Variants in CPAMD8 observed in about 807,000 individuals in gnomAD.
CPAMD8 encodes the protein C3 and PZP like alpha-2-macroglobulin domain containing 8.
Under a neutral mutation model 224.7 loss-of-function variants are expected in CPAMD8, and 146 were observed. The ratio of observed to expected loss-of-function variants is 0.65; its 90% CI spans 0.57 to 0.75. CPAMD8 has a LOEUF of 0.75. Among genes scored for constraint, CPAMD8 ranks in the 30% least tolerant of loss-of-function variants. The pLI, the probability that CPAMD8 is intolerant of heterozygous loss-of-function variation, is 0.00. For synonymous variants in CPAMD8, 966 were observed against 1,044.6 expected (o/e 0.92, Z 1.45); for missense variants, 2,301 against 2,537.5 (o/e 0.91, Z 2.00).
intron 1 of CPAMD8, 114 bp downstream of exon 1, chr19:17,026,437 G>C (rs2057083313): frequency 8.5e-7 from 1 of 1,175,492 alleles, no homozygotes; most frequent in Non-Finnish European, 1.1e-6. Flanking sequence ...GCCAGGTCCA[G>C]CCCAGCGCGG....
At chr19:16,925,870 C>T (rs892144566) in intron 25 of CPAMD8, among the ~76,000 whole-genome samples, 2 of 152,128 alleles carry the variant, frequency 1.3e-5, no homozygotes, top group African/African-American at 4.8e-5. Context: ...TCTCCTGCCT[C>T]AGCCTCCTGA....
intron 27 of CPAMD8, among the ~76,000 whole-genome samples, chr19:16,919,560 G>A (rs2053090033): frequency 6.6e-6 from 1 of 152,200 alleles, no homozygotes; most frequent in Non-Finnish European, 1.5e-5. Flanking sequence ...CTGAATTCCT[G>A]ATCCATAAGA....
chr19:16,946,935 A>T, intron 21 of CPAMD8, 139 bp downstream of exon 21: 1 of 813,756 alleles, frequency 1.2e-6, no homozygotes, highest in Non-Finnish European at 1.8e-6. Flanking sequence ...TGCTTGCCCC[A>T]GTTGCTGTCC....
At chr19:16,902,495 C>A (rs992097234) in intron 35 of CPAMD8, among the ~76,000 whole-genome samples, 154 bp downstream of exon 35, 16 of 152,058 alleles carry the variant, frequency 1.1e-4, no homozygotes, top group African/African-American at 3.6e-4. Context: ...CCAGCCTGGG[C>A]GACAGGGTGA....
chr19:16,992,090 C>A (rs995942300), intron 12 of CPAMD8, among the ~76,000 whole-genome samples: 13 of 152,202 alleles, frequency 8.5e-5, no homozygotes, highest in Non-Finnish European at 1.3e-4. Flanking sequence ...AGGTCCACTG[C>A]CAGTTCCCAA....
intron 21 of CPAMD8, 89 bp from the exon 22 acceptor site, chr19:16,945,768 C>G: frequency 8.5e-6 from 10 of 1,177,164 alleles, no homozygotes; most frequent in Non-Finnish European, 1.0e-5. Context: ...GATGTGTGTG[C>G]ATGCATGCAT....
At chr19:17,015,545 G>A (rs1314868652) in intron 3 of CPAMD8, among the ~76,000 whole-genome samples, 1 of 152,082 alleles carries the variant, frequency 6.6e-6, no homozygotes, top group Middle Eastern at 3.2e-3. Context: ...AGCCTCAGAG[G>A]GACCTCTCCT....
intron 23 of CPAMD8, among the ~76,000 whole-genome samples, chr19:16,930,189 A>T (rs575186030): frequency 6.6e-6 from 1 of 151,786 alleles, no homozygotes; most frequent in South Asian, 2.1e-4. Flanking sequence ...CAGGAGGTGG[A>T]GGTTTCAGTG....
intron 29 of CPAMD8, among the ~76,000 whole-genome samples, chr19:16,908,863 T>G (rs2052619545): frequency 6.6e-6 from 1 of 152,062 alleles, no homozygotes. Flanking sequence ...GGGGGAAGGT[T>G]GGACATCCCC....
chr19:16,924,689 TC>T (rs1243988941), intron 26 of CPAMD8, among the ~76,000 whole-genome samples: 1 of 152,234 alleles, frequency 6.6e-6, no homozygotes, highest in Non-Finnish European at 1.5e-5. Flanking sequence ...CAAGTGATCC[TC>T]CTGCCTCAGC....
chr19:17,016,620 G>A (rs1445899365), intron 3 of CPAMD8, among the ~76,000 whole-genome samples: 1 of 152,110 alleles, frequency 6.6e-6, no homozygotes, highest in Non-Finnish European at 1.5e-5. Flanking sequence ...AATTAGCTGG[G>A]CATGGTGGGG....
intron 3 of CPAMD8, among the ~76,000 whole-genome samples, chr19:17,019,964 TTC>T (rs1017556125): frequency 1.3e-5 from 2 of 149,756 alleles, no homozygotes; most frequent in African/African-American, 5.0e-5. Flanking sequence ...TTTTTTTTTT[TTC>T]TTTTCTTTTT....
At position 16,896,519 on chromosome 19, in the gene CPAMD8, G is replaced by T. The variant is rs1292015082; in HGVS notation, c.5212C>A (p.Arg1738=). Residue 1738 remains arginine (R), a synonymous_variant, in exon 40 of 42, where the codon CGG becomes AGG. Coordinates refer to ENST00000443236, the MANE Select transcript of CPAMD8 (RefSeq NM_015692.5). ...GVVYASACRL[R]EAACRQAAPL... ...GCGGCCTGGCGGCAGGCGGCCTCCC[G>T]CAGGCGGCAGGCGCTGGCGTAGACC... The T allele has an allele frequency of 2.8e-6, 4 of 1,435,704 alleles. No homozygotes were observed. Among genetic ancestry groups the T allele is most frequent in the Non-Finnish European group, 3.6e-6 (4 of 1,105,764 alleles). The allele number at this position is 1,435,704 out of a possible 1,614,324, so 88.9% of individuals were successfully genotyped here.
At position 16,977,556 on chromosome 19, in the gene CPAMD8, G is replaced by A. The variant is rs1599831641; in HGVS notation, c.1586-16C>T. The stretch of plus-strand genomic sequence containing the variant: ...GGTGGGGGCTCTGAGGTGAGCAAAA[G>A]TAGAGAGAGGTGGTGAATTCTCCGC... On this transcript the variant is annotated splice_polypyrimidine_tract_variant and intron_variant, in intron 14 of 41. Transcript: ENST00000443236. The A allele has an allele frequency of 6.4e-7, 1 of 1,559,788 alleles. No individual in the cohort carries two copies. Among genetic ancestry groups the A allele is most frequent in the South Asian group, 1.2e-5 (1 of 84,204 alleles).
chr19:16,947,317 A>T, intron 20 of CPAMD8, 90 bp from the exon 21 acceptor site: 1 of 1,452,500 alleles, frequency 6.9e-7, no homozygotes. Context: ...CACTCACTGC[A>T]CACACCAGAC....
intron 23 of CPAMD8, among the ~76,000 whole-genome samples, chr19:16,933,811 A>G (rs1404351147): frequency 1.3e-5 from 2 of 152,232 alleles, no homozygotes; most frequent in Non-Finnish European, 2.9e-5. Flanking sequence ...TACACGAACC[A>G]TATGATTCTG....
intron 27 of CPAMD8, 78 bp from the exon 28 acceptor site, chr19:16,914,891 C>CCCCCACA: frequency 9.7e-7 from 1 of 1,027,850 alleles, no homozygotes; most frequent in Non-Finnish European, 1.4e-6. Flanking sequence ...TTGCAGCAAG[C>CCCCCACA]TCCTGGCACC....
At chr19:17,000,289 A>G (rs1030103260) in intron 10 of CPAMD8, 125 bp downstream of exon 10, 1 of 590,396 alleles carries the variant, frequency 1.7e-6, no homozygotes, top group Non-Finnish European at 3.1e-6. Context: ...TCCTGTCTCT[A>G]TTCAAAAACT....
chr19:17,026,494 C>A, intron 1 of CPAMD8, 57 bp downstream of exon 1: 1 of 1,440,726 alleles, frequency 6.9e-7, no homozygotes, highest in Non-Finnish European at 9.1e-7. Flanking sequence ...TGAGCCAGTA[C>A]CCGCGACCCC....
Sources: gnomAD v4.1 joint callset for allele counts (sites outside exome capture counted in the v4.1 genomes callset) on GRCh38, gnomAD v4.1.1 for gene constraint, MANE v1.5 for transcripts, NCBI Gene and HGNC (gene_info 2026-07-23, HGNC 2026-07-21) for gene names.